SYT17: variants seen among roughly 807,000 people sequenced by gnomAD.
SYT17 encodes synaptotagmin-17.
A neutral mutation model predicts 46.7 loss-of-function variants in SYT17; 22 were observed. That is an observed-to-expected ratio of 0.47 (90% CI 0.34 to 0.67). SYT17 has a LOEUF of 0.67. SYT17 is among the 30% of genes least tolerant of loss of function. SYT17 has a pLI of 0.01. For synonymous variants in SYT17, 251 were observed against 248.4 expected, an observed-to-expected ratio of 1.01 and a Z score of -0.10; for missense variants, 519 against 612.8, an observed-to-expected ratio of 0.85 and a Z score of 1.62.
At chr16:19,252,193 A>T (rs1463531203) in intron 7 of SYT17, among the ~76,000 whole-genome samples, 7 of 149,886 alleles carry the variant, frequency 4.7e-5, no homozygotes, top group African/African-American at 1.8e-4. Context: ...CATGTTTGAG[A>T]CGTCTTTTTG....
Position 19,180,165 on chromosome 16 carries a change from G to C in SYT17, c.183-226G>C, listed in dbSNP as rs1326501597. ...TTTGAAATTATGCAAGTTCTTGACAGATTGTTCTAAATTGGGGAATATTTC... is the reference window on the plus strand; with the variant it reads ...TTTGAAATTATGCAAGTTCTTGACACATTGTTCTAAATTGGGGAATATTTC... On this transcript the variant is annotated intron_variant, in intron 3 of 7. Coordinates refer to ENST00000355377, the MANE Select transcript of SYT17 (RefSeq NM_016524.4). 5.7e-5 allele frequency: 30 copies of C among 524,778 alleles called. 1 individual carries two copies. In the East Asian group the frequency reaches 9.6e-4, roughly 17 times the overall value. 32.5% of individuals were successfully genotyped at this position (524,778 alleles called of 1,614,324 possible).
intron 3 of SYT17, among the ~76,000 whole-genome samples, chr16:19,175,723 G>A (rs1396893991): frequency 6.6e-6 from 1 of 150,514 alleles, no homozygotes; most frequent in Non-Finnish European, 1.5e-5. Flanking sequence ...TGTCCTTAAA[G>A]CTATGCTCAC....
intron 5 of SYT17, among the ~76,000 whole-genome samples, chr16:19,210,110 G>T (rs1297391327): frequency 2.0e-5 from 3 of 151,794 alleles, no homozygotes; most frequent in Non-Finnish European, 4.4e-5. Context: ...AAATTTATGA[G>T]GTACACATGA....
chr16:19,230,057 G>A (rs1205750226), intron 7 of SYT17, among the ~76,000 whole-genome samples: 1 of 152,166 alleles, frequency 6.6e-6, no homozygotes, highest in Non-Finnish European at 1.5e-5. Flanking sequence ...GCTGGGGGAA[G>A]GACAGGATGG....
intron 5 of SYT17, among the ~76,000 whole-genome samples, chr16:19,186,154 C>T (rs1366760144): frequency 1.3e-5 from 2 of 152,110 alleles, no homozygotes; most frequent in East Asian, 3.9e-4. Context: ...TCATGGGGAC[C>T]TTTCAGTGCC....
At chr16:19,222,357 A>T (rs970287471) in intron 5 of SYT17, among the ~76,000 whole-genome samples, 1 of 152,000 alleles carries the variant, frequency 6.6e-6, no homozygotes, top group African/African-American at 2.4e-5. Flanking sequence ...TACCTTTGGC[A>T]GTATGGAGTC....
intron 3 of SYT17, among the ~76,000 whole-genome samples, chr16:19,177,109 G>A (rs187308051): frequency 2.0e-4 from 31 of 152,308 alleles, no homozygotes; most frequent in East Asian, 1.9e-3. Context: ...GGACAGTTGC[G>A]TTTTGCCTTG....
chr16:19,170,719 G>C (rs1376936682), intron 1 of SYT17: 1 of 152,082 alleles, frequency 6.6e-6, no homozygotes, highest in Non-Finnish European at 1.5e-5. Flanking sequence ...TCTAGGAAAT[G>C]CTTCCCTGTA....
chr16:19,266,780 A>T, intron 7 of SYT17, 100 bp from the exon 8 acceptor site: 1 of 1,074,972 alleles, frequency 9.3e-7, no homozygotes, highest in South Asian at 1.9e-5. Flanking sequence ...GCAGTTGACA[A>T]ATGTGTAGAC....
intron 5 of SYT17, among the ~76,000 whole-genome samples, chr16:19,218,387 G>A (rs544919761): frequency 2.0e-5 from 3 of 152,282 alleles, no homozygotes; most frequent in African/African-American, 4.8e-5. Flanking sequence ...AACAGTGGCC[G>A]GATCAATGGG....
intron 7 of SYT17, among the ~76,000 whole-genome samples, chr16:19,232,534 A>G (rs1228942775): frequency 6.6e-6 from 1 of 152,122 alleles, no homozygotes; most frequent in African/African-American, 2.4e-5. Context: ...GTGCATTAAT[A>G]AGAATTAAAC....
In SYT17 at chr16:19,267,144, A is replaced by C; in HGVS notation, c.*68A>C. ...AAAAAGACGGAAAAAAATGTGTCAC[A>C]TACTATTACATCCACACCTGCATAC... On this transcript the variant is annotated 3_prime_UTR_variant, in exon 8 of 8. Transcript: ENST00000355377. The C allele has an allele frequency of 7.2e-7, 1 of 1,383,780 alleles. No homozygotes were observed. Among genetic ancestry groups the C allele is most frequent in the Non-Finnish European group, 9.6e-7 (1 of 1,040,818 alleles). 85.7% of individuals were successfully genotyped at this position (1,383,780 alleles called of 1,614,324 possible). A position where few individuals can be genotyped will look rare whatever the true frequency, so the allele number is the denominator to read the frequency against.
intron 5 of SYT17, among the ~76,000 whole-genome samples, chr16:19,202,438 G>A (rs1468210749): frequency 1.3e-5 from 2 of 152,172 alleles, no homozygotes; most frequent in Admixed American, 1.3e-4. Flanking sequence ...CGCCCTCAAC[G>A]GGCACAGCAC....
At chr16:19,251,542 C>A (rs1597030138) in intron 7 of SYT17, among the ~76,000 whole-genome samples, 1 of 152,192 alleles carries the variant, frequency 6.6e-6, no homozygotes, top group Non-Finnish European at 1.5e-5. Context: ...ACCATCCCAC[C>A]ATTTTATAGC....
Position 19,249,268 on chromosome 16 carries a change from C to T in SYT17, c.1229-17612C>T, listed in dbSNP as rs540575977. ...CAGCCTGGGCGACAGAGCGAGACGCCGTCTCAAAAATAAATAAATAAATAA... is the reference window on the plus strand; with the variant it reads ...CAGCCTGGGCGACAGAGCGAGACGCTGTCTCAAAAATAAATAAATAAATAA... On this transcript the variant is annotated intron_variant, in intron 7 of 7. Coordinates refer to ENST00000355377, the MANE Select transcript of SYT17 (RefSeq NM_016524.4). Among the ~76,000 whole-genome samples the T allele has an allele frequency of 2.0e-4, 14 of 69,924 alleles. No individual in the cohort carries two copies. The East Asian group carries it at 2.3e-3, about 12-fold the overall frequency. 45.9% of individuals were successfully genotyped at this position (69,924 alleles called of 152,430 possible). A position where few individuals can be genotyped will look rare whatever the true frequency, so the allele number is the denominator to read the frequency against.
intron 7 of SYT17, among the ~76,000 whole-genome samples, chr16:19,246,402 A>G (rs1967570582): frequency 6.6e-6 from 1 of 152,222 alleles, no homozygotes; most frequent in South Asian, 2.1e-4. Context: ...TGCAATATGA[A>G]TATGTAAAAA....
intron 7 of SYT17, among the ~76,000 whole-genome samples, chr16:19,247,376 AT>A (rs2142992007): frequency 1.3e-5 from 2 of 152,300 alleles, no homozygotes; most frequent in South Asian, 4.1e-4. Context: ...TAGCAGTGGG[AT>A]GGCTGGATCA....
chr16:19,182,313 G>T (rs1274804047), intron 4 of SYT17, among the ~76,000 whole-genome samples: 1 of 152,018 alleles, frequency 6.6e-6, no homozygotes, highest in Non-Finnish European at 1.5e-5. Context: ...TACTTGAGAG[G>T]CTGAGCCATG....
At chr16:19,257,958 T>C (rs558895987) in intron 7 of SYT17, among the ~76,000 whole-genome samples, 86 of 152,272 alleles carry the variant, frequency 5.6e-4, no homozygotes, top group Non-Finnish European at 1.0e-3. Flanking sequence ...AAGATGTTTT[T>C]TTTTTTTCCT....
Sources: gnomAD v4.1 joint callset for allele counts (sites outside exome capture counted in the v4.1 genomes callset) on GRCh38, gnomAD v4.1.1 for gene constraint, MANE v1.5 for transcripts, NCBI Gene and HGNC (gene_info 2026-07-23, HGNC 2026-07-21) for gene names.